CDK15: variants seen among roughly 807,000 people sequenced by gnomAD.
CDK15 encodes cyclin dependent kinase 15, also known as cyclin-dependent kinase 15.
A neutral mutation model predicts 60.3 loss-of-function variants in CDK15; 62 were observed. That is an observed-to-expected ratio of 1.03 (90% CI 0.84 to 1.27). CDK15 has a LOEUF of 1.27. Ranked by LOEUF, CDK15 falls within the 50% of genes most tolerant of loss-of-function variation. The probability of loss-of-function intolerance (pLI) is 0.00; values close to 1 mark genes in which losing one functional copy is unlikely to be tolerated. For synonymous variants in CDK15, 194 were observed against 195.7 expected, an observed-to-expected ratio of 0.99 and a Z score of 0.07; for missense variants, 541 against 527.8, an observed-to-expected ratio of 1.03 and a Z score of -0.25.
At chr2:201,888,320 C>A in intron 12 of CDK15, 4 of 1,315,024 alleles carry the variant, frequency 3.0e-6, no homozygotes, top group Non-Finnish European at 4.0e-6. Context: ...ACAACTATCT[C>A]ATTATCTCGT....
intron 3 of CDK15, among the ~76,000 whole-genome samples, chr2:201,809,914 T>A: frequency 6.6e-6 from 1 of 152,056 alleles, no homozygotes; most frequent in South Asian, 2.1e-4. Context: ...GTTCAAGTGT[T>A]ACCTTATTTA....
intron 10 of CDK15, among the ~76,000 whole-genome samples, chr2:201,869,316 G>A (rs11888983): frequency 0.047 from 7,086 of 151,620 alleles, 546 homozygotes; most frequent in African/African-American, 0.16. Flanking sequence ...ACTCACAGGG[G>A]GGAATTGAAC....
At chr2:201,829,373 G>A (rs138092489) in intron 6 of CDK15, among the ~76,000 whole-genome samples, 74 of 152,258 alleles carry the variant, frequency 4.9e-4, no homozygotes, top group African/African-American at 1.7e-3. Flanking sequence ...AGATGATGGT[G>A]GGAGAAAGTG....
At chr2:201,885,685 A>G (rs1699428772) in intron 12 of CDK15, among the ~76,000 whole-genome samples, 1 of 152,170 alleles carries the variant, frequency 6.6e-6, no homozygotes, top group Admixed American at 6.5e-5. Context: ...TGTTACGTTC[A>G]TGGCTGAGTC....
chr2:201,830,150 A>G (rs961406768), intron 6 of CDK15, among the ~76,000 whole-genome samples: 1 of 152,132 alleles, frequency 6.6e-6, no homozygotes, highest in Non-Finnish European at 1.5e-5. Context: ...TATGTTGCCC[A>G]GGCTGGTCTC....
chr2:201,866,044 G>A (rs1226593694), intron 10 of CDK15, among the ~76,000 whole-genome samples: 1 of 144,020 alleles, frequency 6.9e-6, no homozygotes, highest in Non-Finnish European at 1.5e-5. Flanking sequence ...GTGTGTGTGT[G>A]TGTTTGGGGT....
chr2:201,812,184 A>AAAAAAAAC (rs1559113104), intron 3 of CDK15, among the ~76,000 whole-genome samples: 1 of 148,632 alleles, frequency 6.7e-6, no homozygotes, highest in African/African-American at 2.5e-5. Flanking sequence ...AAAAAAAAAA[A>AAAAAAAAC]AAAAAAACAA....
At chr2:201,809,596 A>G (rs1308259176) in intron 3 of CDK15, among the ~76,000 whole-genome samples, 1 of 151,720 alleles carries the variant, frequency 6.6e-6, no homozygotes, top group African/African-American at 2.4e-5. Flanking sequence ...TTTTTAGAAT[A>G]TATCAAAACT....
rs1435104106 is a variant in CDK15, at chr2:201,845,995, GT to G, written c.852-1385del. 3.3e-5 allele frequency among the ~76,000 whole-genome samples: 5 copies of G among 152,012 alleles called. No homozygotes were observed. The South Asian group carries it at 6.2e-4, about 19-fold the overall frequency. ...AGCAAAATAAATCTTACTCCTTCCT[GT>G]CCCTCTCTAATTATCCTTCAGCTTG... On this transcript the variant is annotated intron_variant, in intron 8 of 13. Coordinates refer to ENST00000652192, the MANE Select transcript of CDK15 (RefSeq NM_001366386.2).
In CDK15 at chr2:201,890,945, T is replaced by C. The variant is rs565154540; in HGVS notation, c.*33+18T>C. 7.4e-7 allele frequency: 1 copy of C among 1,358,826 alleles called. No individual in the cohort carries two copies. The highest frequency in any genetic ancestry group is 1.8e-5 in the Admixed American group (1 of 55,642). The allele number at this position is 1,358,826 out of a possible 1,614,324, so 84.2% of individuals were successfully genotyped here. A position where few individuals can be genotyped will look rare whatever the true frequency, so the allele number is the denominator to read the frequency against. On this transcript the variant is annotated intron_variant, in intron 13 of 13. Coordinates refer to ENST00000652192, the MANE Select transcript of CDK15 (RefSeq NM_001366386.2). ...TCTTCCAGGTAAGTGGTTGCAACAG[T>C]GAGGTTCCTTATGGAACAAATTGAA...
chr2:201,843,241 C>G (rs1697481518), intron 8 of CDK15, among the ~76,000 whole-genome samples: 1 of 152,028 alleles, frequency 6.6e-6, no homozygotes, highest in Non-Finnish European at 1.5e-5. Flanking sequence ...GGCTGGAGTG[C>G]AGTGGTGCGA....
chr2:201,807,425 A>C (rs2106144702), intron 1 of CDK15, 69 bp from the exon 2 acceptor site: 2 of 1,493,554 alleles, frequency 1.3e-6, no homozygotes, highest in East Asian at 4.5e-5. Context: ...ATAAAGAAAA[A>C]ATGGTTTTAC....
At chr2:201,817,826 A>G (rs866280750) in intron 4 of CDK15, among the ~76,000 whole-genome samples, 1 of 152,248 alleles carries the variant, frequency 6.6e-6, no homozygotes, top group African/African-American at 2.4e-5. Flanking sequence ...AAATAATGCC[A>G]GGATAATGGT....
At chr2:201,806,851 T>G in intron 1 of CDK15, 64 bp downstream of exon 1, 2 of 1,557,698 alleles carry the variant, frequency 1.3e-6, no homozygotes, top group Non-Finnish European at 1.7e-6. Context: ...AGACACTCCC[T>G]TTTTGTAGCG....
At chr2:201,885,085 A>G (rs922949777) in intron 12 of CDK15, among the ~76,000 whole-genome samples, 2 of 152,224 alleles carry the variant, frequency 1.3e-5, no homozygotes, top group Middle Eastern at 3.2e-3. Context: ...GTTCCTCTCA[A>G]TACCATCTAA....
intron 13 of CDK15, among the ~76,000 whole-genome samples, chr2:201,891,394 A>G (rs1042927254): frequency 6.6e-6 from 1 of 152,200 alleles, no homozygotes; most frequent in East Asian, 1.9e-4. Flanking sequence ...TCCGTTAACT[A>G]GGGAATTCTC....
chr2:201,820,048 A>G (rs1294643263), intron 4 of CDK15, among the ~76,000 whole-genome samples: 1 of 152,232 alleles, frequency 6.6e-6, no homozygotes, highest in Non-Finnish European at 1.5e-5. Flanking sequence ...ATTTAAAAAG[A>G]AGCATCTGGA....
intron 8 of CDK15, among the ~76,000 whole-genome samples, chr2:201,836,211 T>G (rs867799394): frequency 5.8e-5 from 7 of 120,260 alleles, no homozygotes; most frequent in Admixed American, 2.0e-4. Context: ...ATATATGTAT[T>G]TTTTTTTTTT....
chr2:201,812,561 A>C lies in CDK15; in HGVS notation c.447A>C (p.Glu149Asp), dbSNP rs1695823144. The C allele has an allele frequency of 6.2e-7, 1 of 1,610,168 alleles. No homozygotes were observed. The highest frequency in any genetic ancestry group is 8.5e-7 in the Non-Finnish European group (1 of 1,176,802). The change falls in exon 4 of 14, where the codon GAA becomes GAC. Residue 149 changes from glutamate (E) to aspartate (D), a missense_variant and splice_region_variant. Physicochemically the swap from Glu to Asp is conservative, Grantham distance 45 (BLOSUM62 2). Coordinates refer to ENST00000652192, the MANE Select transcript of CDK15 (RefSeq NM_001366386.2). ...EEGVPFTAIR[E>D]ASLLKGLKHA... is the part of the protein sequence containing the mutation. The stretch of plus-strand genomic sequence containing the variant: ...GAGTCCCATTTACAGCTATCCGAGA[A>C]GGTAAGAACAGCAGAAATGGACCCA...
Sources: gnomAD v4.1 joint callset for allele counts (sites outside exome capture counted in the v4.1 genomes callset) on GRCh38, gnomAD v4.1.1 for gene constraint, MANE v1.5 for transcripts, NCBI Gene and HGNC (gene_info 2026-07-23, HGNC 2026-07-21) for gene names.